HS6ST3: variants seen among roughly 807,000 people sequenced by gnomAD.
The protein encoded by HS6ST3 is heparan sulfate 6-O-sulfotransferase 3.
Under a neutral mutation model 36.7 loss-of-function variants are expected in HS6ST3, and 12 were observed. The observed-to-expected ratio is 0.33, with a 90% CI of 0.21 to 0.53. The LOEUF is 0.53. Among genes scored for constraint, HS6ST3 ranks in the 20% least tolerant of loss-of-function variants. The probability of loss-of-function intolerance (pLI) is 0.95; values close to 1 mark genes in which losing one functional copy is unlikely to be tolerated. For synonymous variants in HS6ST3, 240 were observed against 257.5 expected (o/e 0.93, Z 0.65); for missense variants, 584 against 640.9 (o/e 0.91, Z 0.96).
At chr13:96,195,084 G>T (rs1175393953) in intron 1 of HS6ST3, among the ~76,000 whole-genome samples, 1 of 152,174 alleles carries the variant, frequency 6.6e-6, no homozygotes, top group Non-Finnish European at 1.5e-5. Flanking sequence ...AGAGCAATAT[G>T]TTGGGGGGAA....
chr13:96,129,046 C>G (rs572296901), intron 1 of HS6ST3, among the ~76,000 whole-genome samples: 1 of 152,214 alleles, frequency 6.6e-6, no homozygotes, highest in African/African-American at 2.4e-5. Context: ...AGGGTTTCAC[C>G]ATGTTGGCCA....
intron 1 of HS6ST3, among the ~76,000 whole-genome samples, chr13:96,570,536 A>G (rs1594809202): frequency 6.6e-6 from 1 of 152,234 alleles, no homozygotes; most frequent in East Asian, 1.9e-4. Context: ...CTTTGGGTCT[A>G]CACATGATGT....
chr13:96,579,037 A>T (rs961137120), intron 1 of HS6ST3, among the ~76,000 whole-genome samples: 20 of 152,250 alleles, frequency 1.3e-4, no homozygotes, highest in Non-Finnish European at 2.2e-4. Context: ...TTCCACTGTG[A>T]GATTCTTAAA....
intron 1 of HS6ST3, among the ~76,000 whole-genome samples, chr13:96,620,227 T>A (rs182869313): frequency 1.3e-5 from 2 of 152,308 alleles, no homozygotes; most frequent in Non-Finnish European, 2.9e-5. Flanking sequence ...AACCAATGCT[T>A]CTGCACCCCT....
chr13:96,291,844 C>G (rs75026304), intron 1 of HS6ST3, among the ~76,000 whole-genome samples: 1 of 152,120 alleles, frequency 6.6e-6, no homozygotes, highest in South Asian at 2.1e-4. Context: ...ATTCACCATG[C>G]AGGAAGATCC....
chr13:96,604,803 CTT>C (rs2056432907), intron 1 of HS6ST3, among the ~76,000 whole-genome samples: 1 of 152,100 alleles, frequency 6.6e-6, no homozygotes, highest in Admixed American at 6.5e-5. Flanking sequence ...TTGCCTCTGT[CTT>C]TTTATTTCTC....
intron 1 of HS6ST3, among the ~76,000 whole-genome samples, chr13:96,642,320 T>G (rs886199171): frequency 2.0e-5 from 3 of 151,924 alleles, no homozygotes; most frequent in Admixed American, 2.0e-4. Flanking sequence ...TGTTCATCAC[T>G]ATCCTTGACT....
intron 1 of HS6ST3, among the ~76,000 whole-genome samples, chr13:96,126,658 T>C (rs964988564): frequency 6.6e-6 from 1 of 152,056 alleles, no homozygotes; most frequent in Non-Finnish European, 1.5e-5. Flanking sequence ...GGGAACAGGA[T>C]GTTGGGCCAG....
chr13:96,578,048 G>T (rs530218526), intron 1 of HS6ST3, among the ~76,000 whole-genome samples: 1 of 152,278 alleles, frequency 6.6e-6, no homozygotes, highest in East Asian at 1.9e-4. Context: ...CAAGAATCGG[G>T]CTGGTTAAGT....
chr13:96,821,617 A>C (rs1003636676), intron 1 of HS6ST3, among the ~76,000 whole-genome samples: 3 of 152,242 alleles, frequency 2.0e-5, no homozygotes, highest in Admixed American at 6.5e-5. Flanking sequence ...TCAGTTTTTC[A>C]CTGCACATGG....
chr13:96,304,715 T>TTTCTTTC lies in HS6ST3; in HGVS notation c.707+213148_707+213149insCTTTCTT, dbSNP rs1456749452. Among the ~76,000 whole-genome samples, 32 of 28,872 alleles carry TTTCTTTC rather than the reference T, an allele frequency of 1.1e-3. No individual in the cohort carries two copies. In the South Asian group the frequency reaches 0.014, roughly 12 times the overall value. 18.9% of individuals were successfully genotyped at this position (28,872 alleles called of 152,430 possible). A position where few individuals can be genotyped will look rare whatever the true frequency, so the allele number is the denominator to read the frequency against. The stretch of plus-strand genomic sequence containing the variant: ...TCTTTCTTTCTTTCTTTCTTTCTTT[T>TTTCTTTC]TTTTTTTTTTTTTTTTACAGAATCT... On this transcript the variant is annotated intron_variant, in intron 1 of 1. Coordinates refer to ENST00000376705, the MANE Select transcript of HS6ST3 (RefSeq NM_153456.4).
intron 1 of HS6ST3, among the ~76,000 whole-genome samples, chr13:96,621,859 A>G (rs1461995588): frequency 6.6e-6 from 1 of 152,214 alleles, no homozygotes; most frequent in Non-Finnish European, 1.5e-5. Flanking sequence ...GAGGGAGATC[A>G]CATACCAGGG....
intron 1 of HS6ST3, among the ~76,000 whole-genome samples, chr13:96,094,234 G>T (rs796288853): frequency 4.6e-5 from 7 of 152,242 alleles, no homozygotes; most frequent in African/African-American, 1.7e-4. Context: ...AGAACTAAAT[G>T]AATCAATGCA....
intron 1 of HS6ST3, among the ~76,000 whole-genome samples, chr13:96,305,165 A>T (rs2139406012): frequency 6.6e-6 from 1 of 152,264 alleles, no homozygotes; most frequent in Admixed American, 6.5e-5. Flanking sequence ...AGGAAGCCTA[A>T]TGGATTTTTT....
chr13:96,293,768 A>G (rs542487546), intron 1 of HS6ST3, among the ~76,000 whole-genome samples: 11 of 152,248 alleles, frequency 7.2e-5, no homozygotes, highest in African/African-American at 2.6e-4. Context: ...TGAAGTGGAA[A>G]TTGTCCAGAA....
intron 1 of HS6ST3, among the ~76,000 whole-genome samples, chr13:96,339,978 T>G (rs1233563659): frequency 1.3e-5 from 2 of 152,244 alleles, no homozygotes; most frequent in African/African-American, 4.8e-5. Context: ...CAGAGAGTCC[T>G]GACTTTTTTG....
At chr13:96,560,179 A>G (rs1426677205) in intron 1 of HS6ST3, among the ~76,000 whole-genome samples, 1 of 152,148 alleles carries the variant, frequency 6.6e-6, no homozygotes, top group East Asian at 1.9e-4. Flanking sequence ...GGCCCCCTGA[A>G]TGTGCTTGTT....
intron 1 of HS6ST3, among the ~76,000 whole-genome samples, chr13:96,678,409 T>C (rs1057363108): frequency 1.3e-5 from 2 of 152,160 alleles, no homozygotes; most frequent in Admixed American, 6.5e-5. Flanking sequence ...GCTCAGTGGC[T>C]CATGCCTGTA....
intron 1 of HS6ST3, among the ~76,000 whole-genome samples, chr13:96,313,918 A>C (rs374957904): frequency 1.6e-4 from 24 of 152,164 alleles, no homozygotes; most frequent in African/African-American, 5.6e-4. Flanking sequence ...ATCCTCCCCA[A>C]GGCCGTAAGT....
Sources: allele counts gnomAD v4.1 joint callset (sites outside exome capture counted in the v4.1 genomes callset), GRCh38; gene constraint gnomAD v4.1.1; transcripts MANE v1.5; gene names NCBI Gene and HGNC (gene_info 2026-07-23, HGNC 2026-07-21).